SDK2: variants seen among roughly 807,000 people sequenced by gnomAD.
The protein encoded by SDK2 is protein sidekick-2.
Under a neutral mutation model 253.9 loss-of-function variants are expected in SDK2, and 105 were observed. The observed-to-expected ratio is 0.41, with a 90% CI of 0.35 to 0.49. The LOEUF is 0.49. Ranked by LOEUF, SDK2 falls within the 20% of genes least tolerant of loss-of-function variation. The probability of loss-of-function intolerance (pLI) is 0.06; values close to 1 mark genes in which losing one functional copy is unlikely to be tolerated. For synonymous variants in SDK2, 1,249 were observed against 1,234.9 expected, an observed-to-expected ratio of 1.01 and a Z score of -0.24; for missense variants, 2,608 against 3,003.0, an observed-to-expected ratio of 0.87 and a Z score of 3.07.
chr17:73,486,610 TAAAAAAAAAAAAA>T (rs34896987), intron 2 of SDK2, among the ~76,000 whole-genome samples: 5 of 96,454 alleles, frequency 5.2e-5, no homozygotes, highest in East Asian at 3.1e-4. Flanking sequence ...ACTCTGCTTC[TAAAAAAAAAAAAA>T]AAAAAAAAAA....
chr17:73,446,751 G>A (rs1324448649), intron 5 of SDK2, among the ~76,000 whole-genome samples: 2 of 152,158 alleles, frequency 1.3e-5, no homozygotes, highest in African/African-American at 2.4e-5. Context: ...CCCCCAGCTT[G>A]TGTGATGGCT....
At chr17:73,601,555 T>C (rs2143058318) in intron 1 of SDK2, among the ~76,000 whole-genome samples, 1 of 151,896 alleles carries the variant, frequency 6.6e-6, no homozygotes, top group Middle Eastern at 3.4e-3. Context: ...CACAGAGACA[T>C]AGGGATAGGG....
rs1020192688 is a variant in SDK2, at chr17:73,465,913, C to G, written c.331+6199G>C. 6.6e-5 allele frequency among the ~76,000 whole-genome samples: 10 copies of G among 152,284 alleles called. No individual in the cohort carries two copies. Among genetic ancestry groups the G allele is most frequent in the Admixed American group, 1.3e-4 (2 of 15,300 alleles). The stretch of plus-strand genomic sequence containing the variant: ...GAAAAGTGACCATACCCCACCCTCT[C>G]TCAGAACTGTGTGCCATCTGCGTGT... On this transcript the variant is annotated intron_variant, in intron 3 of 44. Transcript: ENST00000392650. This position sits in a 1 kb window ranked among gnomAD's most constrained non-coding sequence, Gnocchi z 4.2.
At chr17:73,487,236 T>C (rs925789514) in intron 2 of SDK2, among the ~76,000 whole-genome samples, 2 of 152,296 alleles carry the variant, frequency 1.3e-5, no homozygotes, top group African/African-American at 4.8e-5. Flanking sequence ...GCCCAGCCAG[T>C]ACCTTGACTT....
Position 73,614,792 on chromosome 17 carries a change from A to G in SDK2, c.64+29233T>C, listed in dbSNP as rs556568739. ...AGGGAGGGAGGGGGACAAGGATTGA[A>G]AAGGGGAAAGGAGGGAGGGGCATAA... On this transcript the variant is annotated intron_variant, in intron 1 of 44. Coordinates refer to ENST00000392650, the MANE Select transcript of SDK2 (RefSeq NM_001144952.2). Among the ~76,000 whole-genome samples, 14 of 121,974 alleles carry G rather than the reference A, an allele frequency of 1.1e-4. No individual in the cohort carries two copies. In the South Asian group the frequency reaches 2.5e-3, roughly 22 times the overall value. The allele number at this position is 121,974 out of a possible 152,430, so 80.0% of individuals were successfully genotyped here.
intron 29 of SDK2, among the ~76,000 whole-genome samples, chr17:73,389,479 C>T (rs538833892): frequency 2.0e-5 from 3 of 151,678 alleles, no homozygotes; most frequent in East Asian, 3.9e-4. Context: ...CCACCATGCC[C>T]GGCCTATAGC....
At chr17:73,563,451 G>A (rs955346752) in intron 1 of SDK2, among the ~76,000 whole-genome samples, 3 of 152,186 alleles carry the variant, frequency 2.0e-5, no homozygotes, top group Admixed American at 1.3e-4. Context: ...GGTGGCACAC[G>A]GCTGTAGTCC....
chr17:73,574,085 A>G (rs2045424718), intron 1 of SDK2, among the ~76,000 whole-genome samples: 1 of 151,666 alleles, frequency 6.6e-6, no homozygotes, highest in South Asian at 2.1e-4. Flanking sequence ...TGTCTGCCTG[A>G]CCTCAGGAAT....
At position 73,643,957 on chromosome 17, in the gene SDK2, T is replaced by TGCCCCCCCCCCCCCCCCCCCCCCACAAC; in HGVS notation, c.64+67_64+68insGTTGTGGGGGGGGGGGGGGGGGGGGGGC. The TGCCCCCCCCCCCCCCCCCCCCCCACAAC allele has an allele frequency of 9.8e-7, 1 of 1,020,000 alleles. No individual in the cohort carries two copies. Among genetic ancestry groups the TGCCCCCCCCCCCCCCCCCCCCCCACAAC allele is most frequent in the Non-Finnish European group, 1.5e-6 (1 of 674,884 alleles). The allele number at this position is 1,020,000 out of a possible 1,614,324, so 63.2% of individuals were successfully genotyped here. On this transcript the variant is annotated intron_variant, in intron 1 of 44. Transcript: ENST00000392650. The surrounding 1 kb of genome is among the most constrained non-coding windows in gnomAD (Gnocchi z 6.9). The stretch of plus-strand genomic sequence containing the variant: ...GGAGGTCACCGTGAGGCCGGCCAGC[T>TGCCCCCCCCCCCCCCCCCCCCCCACAAC]CCCGCCGCCCCTCCCCCGCCCACTC...
rs540737815 is a variant in SDK2 at position 73,612,689 on chromosome 17, C to A, written c.64+31336G>T. Among the ~76,000 whole-genome samples, 4 of 152,116 alleles carry A rather than the reference C, an allele frequency of 2.6e-5. No homozygotes were observed. Among genetic ancestry groups the A allele is most frequent in the Non-Finnish European group, 5.9e-5 (4 of 68,026 alleles). The stretch of plus-strand genomic sequence containing the variant: ...ATCCCAGCATTTTGGGAAGCCCAGG[C>A]GGGCAGATCACAAGGTCAAGACTTT... On this transcript the variant is annotated intron_variant, in intron 1 of 44. Transcript: ENST00000392650. This position sits in a 1 kb window ranked among gnomAD's most constrained non-coding sequence, Gnocchi z 4.4.
At chr17:73,526,292 C>T (rs1356408140) in intron 1 of SDK2, among the ~76,000 whole-genome samples, 1 of 152,148 alleles carries the variant, frequency 6.6e-6, no homozygotes, top group African/African-American at 2.4e-5. Flanking sequence ...CCGGCCAGCA[C>T]AGGGGCCGCA....
chr17:73,636,686 AAAAAAAAAAAAAAAAAAAAAG>A (rs1234729837), intron 1 of SDK2, among the ~76,000 whole-genome samples: 7 of 127,072 alleles, frequency 5.5e-5, no homozygotes, highest in African/African-American at 2.3e-4. Context: ...GTCTCAAAAA[AAAAAAAAAAAAAAAAAAAAAG>A]AAAAGAAAAG....
At chr17:73,566,926 T>A (rs535724357) in intron 1 of SDK2, among the ~76,000 whole-genome samples, 2 of 149,640 alleles carry the variant, frequency 1.3e-5, no homozygotes, top group African/African-American at 2.5e-5. Context: ...AGCTTGGCCA[T>A]GAGGTAGAGA....
chr17:73,428,555 T>C (rs534316285), intron 12 of SDK2, among the ~76,000 whole-genome samples: 1 of 152,238 alleles, frequency 6.6e-6, no homozygotes. Flanking sequence ...GTTTTGACCA[T>C]TCCTTTCAAA....
chr17:73,583,063 G>A (rs1231222467), intron 1 of SDK2, among the ~76,000 whole-genome samples: 2 of 152,170 alleles, frequency 1.3e-5, no homozygotes, highest in Non-Finnish European at 1.5e-5. Context: ...GCATCCTTTA[G>A]GGGTCAGTTG....
intron 18 of SDK2, among the ~76,000 whole-genome samples, chr17:73,404,630 C>T (rs2063055930): frequency 6.6e-6 from 1 of 152,172 alleles, no homozygotes; most frequent in Non-Finnish European, 1.5e-5. Flanking sequence ...TTCATGATGA[C>T]CTCTGTCTCT....
intron 9 of SDK2, among the ~76,000 whole-genome samples, 193 bp from the exon 10 acceptor site, chr17:73,434,041 G>A (rs1263552311): frequency 1.3e-5 from 2 of 152,188 alleles, no homozygotes; most frequent in African/African-American, 4.8e-5. Flanking sequence ...GAGGGGTCAT[G>A]AGGACTCCCC....
rs144880541 is a variant in SDK2, at chr17:73,594,700, C to A, written c.64+49325G>T. ...GTAATACATAGCACACATATGCACA[C>A]AAATACATGCACAAATACAAATACA... On this transcript the variant is annotated intron_variant, in intron 1 of 44. Transcript: ENST00000392650. Among the ~76,000 whole-genome samples, 3 of 152,220 alleles carry A rather than the reference C, an allele frequency of 2.0e-5. No individual in the cohort carries two copies. The East Asian group carries it at 5.8e-4, about 29-fold the overall frequency.
Position 73,395,363 on chromosome 17 carries a change from G to A in SDK2, c.3384C>T (p.Asn1128=), listed in dbSNP as rs1245764919. ...TGATCTTATAGCCCACGGACTCAGG[G>A]TTCCCATTGTATTCCATCTCCGGGA... ...MPLPEMEYNG[N]PESVGYKIKY... Residue 1128 remains asparagine (N), a synonymous_variant, in exon 25 of 45, where the codon AAC becomes AAT. Transcript: ENST00000392650. The surrounding 1 kb of genome is among the most constrained non-coding windows in gnomAD (Gnocchi z 4.3). 2.5e-6 allele frequency: 4 copies of A among 1,613,948 alleles called. 1 individual carries two copies. In the Middle Eastern group the frequency reaches 4.9e-4, roughly 200 times the overall value.
Sources: gnomAD v4.1 joint callset for allele counts (sites outside exome capture counted in the v4.1 genomes callset) on GRCh38, gnomAD v4.1.1 for gene constraint, Gnocchi (gnomAD v3.1) non-coding constraint, MANE v1.5 for transcripts, NCBI Gene and HGNC (gene_info 2026-07-23, HGNC 2026-07-21) for gene names.